Variants in SENP8 observed in about 807,000 individuals in gnomAD.
The protein encoded by SENP8 is SUMO peptidase family member, NEDD8 specific.
A neutral mutation model predicts 14.4 loss-of-function variants in SENP8; 10 were observed. That is an observed-to-expected ratio of 0.69 (90% CI 0.43 to 1.18). The LOEUF (loss-of-function observed/expected upper bound fraction) is 1.18. SENP8 is among the 50% of genes most tolerant of loss of function. The pLI is 0.00. For missense variants in SENP8, 202 were observed against 249.4 expected (o/e 0.81, Z 1.28); for synonymous variants, 94 against 95.5 (o/e 0.98, Z 0.09).
upstream of SENP8, chr15:72,117,918 G>C (rs1319668038): frequency 2.5e-6 from 1 of 398,536 alleles, no homozygotes; most frequent in Non-Finnish European, 4.4e-6. Flanking sequence ...GCCGCACCCC[G>C]CCCAGAGAGC....
At chr15:72,134,465 G>C (rs1191194182) in intron 1 of SENP8, among the ~76,000 whole-genome samples, 1 of 152,150 alleles carries the variant, frequency 6.6e-6, no homozygotes, top group African/African-American at 2.4e-5. Flanking sequence ...TGCAGTCCTA[G>C]CTACTCTGGA....
At chr15:72,115,675 C>T (rs981270782), upstream of SENP8, among the ~76,000 whole-genome samples, 1 of 152,158 alleles carries the variant, frequency 6.6e-6, no homozygotes, top group African/African-American at 2.4e-5. Context: ...TCATTCCAGT[C>T]CCCTGCTTTA....
At chr15:72,139,413 C>A in intron 1 of SENP8, 164 bp from the exon 2 acceptor site, 1 of 572,146 alleles carries the variant, frequency 1.7e-6, no homozygotes, top group Non-Finnish European at 2.9e-6. Flanking sequence ...TCAGGGGTGG[C>A]AGAGGCAAAA....
In SENP8 at chr15:72,139,874, G is replaced by A. The variant is rs2081363672; in HGVS notation, c.251G>A (p.Arg84Lys). ...GAACCACTGGACCTCCCCAACAAGA[G>A]AGTTGTATTTTTAGCCATCAATGAT... ...FLEPLDLPNKRVVFLAINDNS... is the reference protein window; with the variant it reads ...FLEPLDLPNKKVVFLAINDNS... Residue 84 changes from arginine to lysine, a missense_variant, in exon 2 of 2, where the codon AGA becomes AAA. By Grantham distance (26) the Arg-to-Lys change is conservative. Coordinates refer to ENST00000340912, the MANE Select transcript of SENP8 (RefSeq NM_145204.4). 1 of 1,614,214 alleles carries A rather than the reference G, an allele frequency of 6.2e-7. No individual in the cohort carries two copies. Among genetic ancestry groups the A allele is most frequent in the Non-Finnish European group, 8.5e-7 (1 of 1,180,046 alleles).
At chr15:72,133,363 C>G (rs1185563916) in intron 1 of SENP8, among the ~76,000 whole-genome samples, 1 of 152,156 alleles carries the variant, frequency 6.6e-6, no homozygotes, top group Non-Finnish European at 1.5e-5. Context: ...TCTAAGAATC[C>G]TCTAATATTT....
chr15:72,119,741 C>T (rs564539127), intron 1 of SENP8, among the ~76,000 whole-genome samples: 3 of 152,026 alleles, frequency 2.0e-5, no homozygotes, highest in Non-Finnish European at 4.4e-5. Context: ...GAGCGAGACT[C>T]CGTCCCCGCC....
intron 1 of SENP8, among the ~76,000 whole-genome samples, chr15:72,127,058 C>T (rs1419429951): frequency 1.3e-5 from 2 of 152,168 alleles, no homozygotes; most frequent in African/African-American, 4.8e-5. Flanking sequence ...TTATGTTGAG[C>T]TGTATACTCA....
At chr15:72,128,059 C>T (rs2081237178) in intron 1 of SENP8, among the ~76,000 whole-genome samples, 1 of 151,660 alleles carries the variant, frequency 6.6e-6, no homozygotes, top group South Asian at 2.1e-4. Context: ...CACCACTGCA[C>T]TCCATCCTGG....
At chr15:72,139,098 C>CA (rs1163614703) in intron 1 of SENP8, among the ~76,000 whole-genome samples, 1 of 150,098 alleles carries the variant, frequency 6.7e-6, no homozygotes, top group African/African-American at 2.5e-5. Flanking sequence ...AGCCAATTAA[C>CA]ACGTTTTGTA....
chr15:72,135,856 G>A (rs1230232896), intron 1 of SENP8, among the ~76,000 whole-genome samples: 1 of 152,226 alleles, frequency 6.6e-6, no homozygotes, highest in Non-Finnish European at 1.5e-5. Context: ...CCTTTCCCTA[G>A]TTGGGTTGGT....
At chr15:72,137,619 G>A (rs745962367) in intron 1 of SENP8, among the ~76,000 whole-genome samples, 4 of 152,080 alleles carry the variant, frequency 2.6e-5, no homozygotes, top group Non-Finnish European at 5.9e-5. Context: ...AACTACTACC[G>A]TAATCACTGT....
intron 1 of SENP8, among the ~76,000 whole-genome samples, chr15:72,137,554 A>G (rs1256417284): frequency 1.3e-5 from 2 of 152,210 alleles, no homozygotes; most frequent in Non-Finnish European, 2.9e-5. Flanking sequence ...ATCAGGAATG[A>G]ATTTCATTTG....
chr15:72,115,740 G>A (rs1021858620), upstream of SENP8, among the ~76,000 whole-genome samples: 1 of 152,182 alleles, frequency 6.6e-6, no homozygotes, highest in Non-Finnish European at 1.5e-5. Flanking sequence ...TAGTCACACT[G>A]TGGAAGCTCA....
chr15:72,125,996 T>C (rs2081215207), intron 1 of SENP8, among the ~76,000 whole-genome samples: 1 of 152,066 alleles, frequency 6.6e-6, no homozygotes, highest in South Asian at 2.1e-4. Context: ...ACTTGTTTTG[T>C]ATTTTCAGTA....
chr15:72,131,781 T>C (rs182961081), intron 1 of SENP8, among the ~76,000 whole-genome samples: 4 of 152,344 alleles, frequency 2.6e-5, no homozygotes, highest in Admixed American at 2.0e-4. Context: ...GCATTCTCTC[T>C]CTTTATGCCA....
intron 1 of SENP8, among the ~76,000 whole-genome samples, chr15:72,122,969 T>A (rs2081181963): frequency 6.6e-6 from 1 of 152,250 alleles, no homozygotes; most frequent in East Asian, 1.9e-4. Flanking sequence ...TTAGGCTTGC[T>A]TTCCCTGATG....
At position 72,141,486 on chromosome 15, in the gene SENP8, A is replaced by AGACTT. The variant is rs2081380017; in HGVS notation, c.*1227_*1231dup. Reference sequence around the variant, plus strand: ...TGAGAATTAGATTGCAAGGCCTATGAGACTTGAAAACCAAAGATGAGCTTC... The same window carrying AGACTT: ...TGAGAATTAGATTGCAAGGCCTATGAGACTTGACTTGAAAACCAAAGATGAGCTTC... On this transcript the variant is annotated 3_prime_UTR_variant, in exon 2 of 2. Coordinates refer to ENST00000340912, the MANE Select transcript of SENP8 (RefSeq NM_145204.4). 1 of 152,230 alleles carries AGACTT rather than the reference A, an allele frequency of 6.6e-6. No homozygotes were observed. The highest frequency in any genetic ancestry group is 2.4e-5 in the African/African-American group (1 of 41,466). The allele number at this position is 152,230 out of a possible 1,614,324, so 9.4% of individuals were successfully genotyped here.
At chr15:72,120,320 T>A (rs2081153967) in intron 1 of SENP8, among the ~76,000 whole-genome samples, 1 of 152,208 alleles carries the variant, frequency 6.6e-6, no homozygotes, top group South Asian at 2.1e-4. Context: ...AGTGTATGGC[T>A]GCTATCTATT....
chr15:72,132,263 C>A (rs1458349706), intron 1 of SENP8, among the ~76,000 whole-genome samples: 1 of 152,130 alleles, frequency 6.6e-6, no homozygotes, highest in Non-Finnish European at 1.5e-5. Context: ...GCTTACCATC[C>A]ACCAAGACCA....
Sources: gnomAD v4.1 joint callset for allele counts (sites outside exome capture counted in the v4.1 genomes callset) on GRCh38, gnomAD v4.1.1 for gene constraint, MANE v1.5 for transcripts, NCBI Gene and HGNC (gene_info 2026-07-23, HGNC 2026-07-21) for gene names.